The following ICA1 variants were observed in gnomAD, a reference collection of about 807,000 sequenced individuals.
ICA1 encodes the protein islet cell autoantigen 1.
A neutral mutation model predicts 71.0 loss-of-function variants in ICA1; 40 were observed. The observed-to-expected ratio is 0.56, with a 90% CI of 0.44 to 0.73. The LOEUF (loss-of-function observed/expected upper bound fraction) is 0.73. ICA1 is among the 30% of genes least tolerant of loss of function. ICA1 has a pLI of 0.00. For synonymous variants in ICA1, 207 were observed against 209.5 expected (o/e 0.99, Z 0.10); for missense variants, 578 against 576.5 (o/e 1.00, Z -0.03).
At chr7:8,162,905 A>C (rs1804424270) in intron 6 of ICA1, among the ~76,000 whole-genome samples, 1 of 152,224 alleles carries the variant, frequency 6.6e-6, no homozygotes, top group South Asian at 2.1e-4. Context: ...CTGGGATTAC[A>C]GGCTTGCGCC....
At chr7:8,120,733 T>C (rs983963613) in intron 13 of ICA1, among the ~76,000 whole-genome samples, 1 of 152,186 alleles carries the variant, frequency 6.6e-6, no homozygotes, top group African/African-American at 2.4e-5. Flanking sequence ...AATAAAATTT[T>C]ATTAGAGCAA....
chr7:8,142,048 G>T, intron 9 of ICA1: 1 of 1,435,048 alleles, frequency 7.0e-7, no homozygotes, highest in Non-Finnish European at 9.3e-7. Flanking sequence ...CAAATATTCT[G>T]TAAATATCTA....
intron 6 of ICA1, among the ~76,000 whole-genome samples, chr7:8,200,889 C>A (rs1189724946): frequency 6.6e-6 from 1 of 152,150 alleles, no homozygotes; most frequent in Non-Finnish European, 1.5e-5. Context: ...CTAGCTTTGG[C>A]TCCTTTTGTA....
At chr7:8,196,272 A>T (rs930238252) in intron 6 of ICA1, among the ~76,000 whole-genome samples, 3 of 152,224 alleles carry the variant, frequency 2.0e-5, no homozygotes, top group African/African-American at 7.2e-5. Context: ...TACCTGCTAT[A>T]TGATTCCAAT....
At chr7:8,124,246 A>G (rs910027845) in intron 13 of ICA1, among the ~76,000 whole-genome samples, 26 of 148,284 alleles carry the variant, frequency 1.8e-4, no homozygotes, top group East Asian at 8.0e-4. Flanking sequence ...TCAGCCTCCC[A>G]AGTAGCTGGG....
chr7:8,257,561 T>G (rs938871643), intron 1 of ICA1, among the ~76,000 whole-genome samples: 6 of 152,216 alleles, frequency 3.9e-5, no homozygotes, highest in African/African-American at 1.2e-4. Context: ...ATCTATATAT[T>G]CAGTGGTCCA....
intron 4 of ICA1, among the ~76,000 whole-genome samples, chr7:8,227,463 G>A (rs539116994): frequency 1.6e-4 from 24 of 152,268 alleles, no homozygotes; most frequent in Admixed American, 1.4e-3. Flanking sequence ...GCGGTCATGT[G>A]TCTTAATTTG....
chr7:8,193,860 T>TA lies in ICA1; in HGVS notation c.579+24444dup, dbSNP rs1786508754. 2.0e-5 allele frequency among the ~76,000 whole-genome samples: 3 copies of TA among 152,290 alleles called. No individual in the cohort carries two copies. The South Asian group carries it at 6.2e-4, about 32-fold the overall frequency. ...ATATAAAGAAAAGAGGAGATGATTT[T>TA]ATGTGGAACAGAGATATTCTAAGAA... On this transcript the variant is annotated intron_variant, in intron 6 of 13. Transcript: ENST00000402384.
chr7:8,161,489 C>T (rs1354616979), intron 6 of ICA1, among the ~76,000 whole-genome samples: 2 of 152,170 alleles, frequency 1.3e-5, no homozygotes, highest in Non-Finnish European at 2.9e-5. Flanking sequence ...ACTCTGAGCT[C>T]GGCCATGTGA....
intron 6 of ICA1, among the ~76,000 whole-genome samples, chr7:8,168,031 G>GGGAGAGA (rs1491563837): frequency 1.5e-4 from 10 of 67,586 alleles, no homozygotes; most frequent in Non-Finnish European, 1.8e-4. Context: ...AGAAAAAGAG[G>GGGAGAGA]GAGAGAGAGA....
intron 8 of ICA1, among the ~76,000 whole-genome samples, chr7:8,152,934 A>C (rs1384302953): frequency 6.6e-6 from 1 of 151,808 alleles, no homozygotes; most frequent in Non-Finnish European, 1.5e-5. Context: ...CACCACTACC[A>C]CCATCACCTC....
intron 1 of ICA1, among the ~76,000 whole-genome samples, chr7:8,246,375 T>A (rs1239591176): frequency 6.6e-6 from 1 of 152,198 alleles, no homozygotes; most frequent in Non-Finnish European, 1.5e-5. Flanking sequence ...AATTTTGATA[T>A]AACAACCTGG....
At chr7:8,198,873 T>C (rs956541504) in intron 6 of ICA1, among the ~76,000 whole-genome samples, 4 of 151,928 alleles carry the variant, frequency 2.6e-5, no homozygotes, top group Non-Finnish European at 5.9e-5. Context: ...ATAACTAGAG[T>C]ATATAAGAAG....
At chr7:8,228,808 G>A (rs994882037) in intron 3 of ICA1, 135 bp from the exon 4 acceptor site, 4 of 524,242 alleles carry the variant, frequency 7.6e-6, no homozygotes, top group Non-Finnish European at 1.0e-5. Context: ...AGTGTTATGC[G>A]GTGTACTATA....
At chr7:8,169,090 C>T (rs1237118914) in intron 6 of ICA1, among the ~76,000 whole-genome samples, 1 of 152,116 alleles carries the variant, frequency 6.6e-6, no homozygotes, top group Non-Finnish European at 1.5e-5. Flanking sequence ...TCTACAGTTT[C>T]ATATAAATAG....
intron 12 of ICA1, among the ~76,000 whole-genome samples, chr7:8,137,955 G>C (rs757621408): frequency 1.4e-4 from 22 of 152,182 alleles, no homozygotes; most frequent in Non-Finnish European, 2.5e-4. Flanking sequence ...ACTTCGGCCA[G>C]TCTGTAGTCC....
At chr7:8,221,177 T>C (rs1159611282) in intron 5 of ICA1, 98 bp downstream of exon 5, 1 of 1,493,866 alleles carries the variant, frequency 6.7e-7, no homozygotes, top group East Asian at 2.3e-5. Flanking sequence ...TCAGGCAAAA[T>C]CCTTCTAAAG....
At chr7:8,245,462 G>T (rs920235283) in intron 1 of ICA1, among the ~76,000 whole-genome samples, 3 of 151,986 alleles carry the variant, frequency 2.0e-5, no homozygotes, top group African/African-American at 7.3e-5. Flanking sequence ...TAATTTAAAT[G>T]ACAGGTTGAT....
chr7:8,140,715 G>A (rs1323348635), intron 10 of ICA1, among the ~76,000 whole-genome samples: 2 of 152,252 alleles, frequency 1.3e-5, no homozygotes, highest in Non-Finnish European at 2.9e-5. Context: ...GTACTTGTAC[G>A]TGAAGGTGTA....
Sources: gnomAD v4.1 joint callset for allele counts (sites outside exome capture counted in the v4.1 genomes callset) on GRCh38, gnomAD v4.1.1 for gene constraint, MANE v1.5 for transcripts, NCBI Gene and HGNC (gene_info 2026-07-23, HGNC 2026-07-21) for gene names.